The following KIAA1217 variants were observed in gnomAD, a reference collection of about 807,000 sequenced individuals.
KIAA1217 encodes the protein KIAA1217.
In KIAA1217, 88 loss-of-function variants were observed where a neutral mutation model predicts 163.9. The ratio of observed to expected loss-of-function variants is 0.54; its 90% CI spans 0.45 to 0.64. KIAA1217 has a LOEUF of 0.64. Ranked by LOEUF, KIAA1217 falls within the 30% of genes least tolerant of loss-of-function variation. The pLI, the probability that KIAA1217 is intolerant of heterozygous loss-of-function variation, is 0.00. For missense variants in KIAA1217, 2,372 were observed against 2,475.0 expected (o/e 0.96, Z 0.88); for synonymous variants, 903 against 923.1 (o/e 0.98, Z 0.39).
At chr10:23,868,217 C>T (rs1335149286) in intron 1 of KIAA1217, among the ~76,000 whole-genome samples, 1 of 152,076 alleles carries the variant, frequency 6.6e-6, no homozygotes, top group East Asian at 1.9e-4. Flanking sequence ...CCCTTCTCAA[C>T]CCACAAAATA....
chr10:23,721,286 C>T (rs1293902387), intron 1 of KIAA1217, among the ~76,000 whole-genome samples: 1 of 152,134 alleles, frequency 6.6e-6, no homozygotes, highest in African/African-American at 2.4e-5. Context: ...AACTGCTGGG[C>T]ATATTTTGGA....
chr10:24,324,217 G>A (rs188614632), intron 2 of KIAA1217, among the ~76,000 whole-genome samples: 11 of 151,886 alleles, frequency 7.2e-5, no homozygotes, highest in South Asian at 2.1e-4. Context: ...GCATTAAGCC[G>A]TGATCACACC....
intron 2 of KIAA1217, among the ~76,000 whole-genome samples, chr10:24,057,027 C>T (rs1032102361): frequency 1.3e-5 from 2 of 151,842 alleles, no homozygotes; most frequent in African/African-American, 4.8e-5. Context: ...TGGCTCACAC[C>T]TGTAATCCTA....
chr10:24,452,998 T>A (rs1012472113), intron 5 of KIAA1217, among the ~76,000 whole-genome samples: 1 of 152,202 alleles, frequency 6.6e-6, no homozygotes, highest in Non-Finnish European at 1.5e-5. Flanking sequence ...ATTTTTGAAA[T>A]AGAAAGAAGG....
chr10:23,900,753 G>A (rs1841923255), intron 1 of KIAA1217, among the ~76,000 whole-genome samples: 1 of 152,052 alleles, frequency 6.6e-6, no homozygotes. Context: ...TAGGAAGGCA[G>A]TTTAGTGGAG....
At chr10:24,447,872 C>T (rs969209005) in intron 5 of KIAA1217, among the ~76,000 whole-genome samples, 1 of 152,180 alleles carries the variant, frequency 6.6e-6, no homozygotes, top group African/African-American at 2.4e-5. Context: ...TGGCTCACAC[C>T]TGTAATCCCA....
rs577576655 is a variant in KIAA1217, at chr10:24,342,592, T to G, written c.355-38277T>G. The stretch of plus-strand genomic sequence containing the variant: ...AATCTACAGTTACTCTGTATGTCGC[T>G]TCTCCACTTAGTGATGCATCTTCAA... On this transcript the variant is annotated intron_variant, in intron 2 of 20. Coordinates refer to ENST00000376454, the MANE Select transcript of KIAA1217 (RefSeq NM_019590.5). Among the ~76,000 whole-genome samples the G allele has an allele frequency of 9.2e-5, 14 of 152,124 alleles. No homozygotes were observed. In the South Asian group the frequency reaches 2.5e-3, roughly 27 times the overall value.
intron 1 of KIAA1217, among the ~76,000 whole-genome samples, chr10:23,943,714 A>T (rs74441291): frequency 0.025 from 3,816 of 152,330 alleles, 155 homozygotes; most frequent in African/African-American, 0.086. Context: ...ACTACCTGAT[A>T]TCAAGACTTC....
intron 3 of KIAA1217, among the ~76,000 whole-genome samples, chr10:24,432,672 C>T (rs931259328): frequency 3.3e-5 from 5 of 151,914 alleles, no homozygotes; most frequent in African/African-American, 1.2e-4. Context: ...CCAGGTGGGT[C>T]TCGAACTCCT....
intron 2 of KIAA1217, among the ~76,000 whole-genome samples, chr10:24,085,670 TAA>T (rs148960876): frequency 4.9e-5 from 7 of 144,070 alleles, no homozygotes; most frequent in African/African-American, 1.5e-4. Flanking sequence ...CAATTTCAGT[TAA>T]AAAAAAAAAA....
chr10:23,917,735 G>T (rs1023876788), intron 1 of KIAA1217, among the ~76,000 whole-genome samples: 1 of 152,186 alleles, frequency 6.6e-6, no homozygotes, highest in African/African-American at 2.4e-5. Flanking sequence ...CTGACAAATG[G>T]TGTCTGTTTC....
chr10:24,097,555 G>A (rs2062212290), intron 2 of KIAA1217, among the ~76,000 whole-genome samples: 1 of 151,762 alleles, frequency 6.6e-6, no homozygotes, highest in Admixed American at 6.6e-5. Flanking sequence ...GAAAGAAAAA[G>A]AGAGAGAGAG....
At chr10:23,953,126 A>G (rs527283956) in intron 1 of KIAA1217, among the ~76,000 whole-genome samples, 573 of 152,356 alleles carry the variant, frequency 3.8e-3, no homozygotes, top group Non-Finnish European at 7.0e-3. Context: ...GACTTTGTAA[A>G]TAAGAAGTAA....
chr10:23,741,029 T>C (rs955051026), intron 1 of KIAA1217, among the ~76,000 whole-genome samples: 1 of 152,340 alleles, frequency 6.6e-6, no homozygotes, highest in Admixed American at 6.5e-5. Flanking sequence ...TAGATATGGA[T>C]GTCCTACCCT....
intron 5 of KIAA1217, among the ~76,000 whole-genome samples, chr10:24,456,677 G>T (rs2061820306): frequency 6.6e-6 from 1 of 151,880 alleles, no homozygotes; most frequent in African/African-American, 2.4e-5. Flanking sequence ...TGGTGTGGAG[G>T]AGTACTGATT....
chr10:23,751,829 T>C lies in KIAA1217; in HGVS notation c.-321+56595T>C, dbSNP rs181706418. 4.0e-3 allele frequency among the ~76,000 whole-genome samples: 608 copies of C among 152,308 alleles called. 2 individuals carry two copies. The highest frequency in any genetic ancestry group is 0.013 in the African/African-American group (560 of 41,564). On this transcript the variant is annotated intron_variant, in intron 1 of 18. Coordinates refer to the KIAA1217 transcript ENST00000376462. ...GATATTTGTGACTAATTACAAGCAGTGTAACCTGGGAGAGAAGCTGTTCAG... is the reference window on the plus strand; with the variant it reads ...GATATTTGTGACTAATTACAAGCAGCGTAACCTGGGAGAGAAGCTGTTCAG...
At chr10:24,056,745 A>T (rs2060545856) in intron 2 of KIAA1217, among the ~76,000 whole-genome samples, 1 of 152,184 alleles carries the variant, frequency 6.6e-6, no homozygotes, top group Non-Finnish European at 1.5e-5. Context: ...CAGGAAGGGA[A>T]AAGAACCCCG....
chr10:23,929,133 A>T (rs1843147032), intron 1 of KIAA1217, among the ~76,000 whole-genome samples: 1 of 152,166 alleles, frequency 6.6e-6, no homozygotes, highest in East Asian at 1.9e-4. Flanking sequence ...AGGAGATGGA[A>T]TGTTTATTAT....
intron 1 of KIAA1217, among the ~76,000 whole-genome samples, chr10:23,945,075 A>AGGG (rs35415139): frequency 4.8e-5 from 7 of 146,466 alleles, no homozygotes; most frequent in Non-Finnish European, 1.0e-4. Context: ...AAAAAAAAAA[A>AGGG]GGGTTTTAAC....
Sources: allele counts gnomAD v4.1 joint callset (sites outside exome capture counted in the v4.1 genomes callset), GRCh38; gene constraint gnomAD v4.1.1; transcripts MANE v1.5; gene names NCBI Gene and HGNC (gene_info 2026-07-23, HGNC 2026-07-21).